Variants in BTRC observed in about 807,000 individuals in gnomAD.
The protein encoded by BTRC is F-box/WD repeat-containing protein 1A.
In BTRC, 42 loss-of-function variants were observed where a neutral mutation model predicts 85.5. The observed-to-expected ratio is 0.49, with a 90% CI of 0.38 to 0.64. The LOEUF (loss-of-function observed/expected upper bound fraction) is 0.64, where lower values mean the gene tolerates loss of function less well. Among genes scored for constraint, BTRC ranks in the 30% least tolerant of loss-of-function variants. The probability of loss-of-function intolerance (pLI) is 0.00; values close to 1 mark genes in which losing one functional copy is unlikely to be tolerated. For missense variants in BTRC, 594 were observed against 743.5 expected, an observed-to-expected ratio of 0.80 and a Z score of 2.34; for synonymous variants, 255 against 263.3, an observed-to-expected ratio of 0.97 and a Z score of 0.30.
chr10:101,440,543 A>G lies in BTRC; in HGVS notation c.156+10091A>G, dbSNP rs1030880149. ...CGAGACCAGCCTGGGAAACATGGTG[A>G]AACCCCATCTTTACCAAAAATACAA... is the stretch of plus-strand genomic sequence containing the variant. On this transcript the variant is annotated intron_variant, in intron 2 of 14. Coordinates refer to ENST00000370187, the MANE Select transcript of BTRC (RefSeq NM_033637.4). Among the ~76,000 whole-genome samples the G allele has an allele frequency of 3.3e-5, 5 of 152,212 alleles. 1 individual carries two copies. The South Asian group carries it at 1.0e-3, about 32-fold the overall frequency.
intron 4 of BTRC, among the ~76,000 whole-genome samples, chr10:101,514,385 A>G (rs2061994935): frequency 6.6e-6 from 1 of 152,082 alleles, no homozygotes; most frequent in Non-Finnish European, 1.5e-5. Flanking sequence ...TAATTTTTGT[A>G]TATGATGTGA....
At chr10:101,496,144 A>G (rs994390774) in intron 4 of BTRC, among the ~76,000 whole-genome samples, 3 of 152,160 alleles carry the variant, frequency 2.0e-5, no homozygotes, top group Admixed American at 6.5e-5. Context: ...CCATTTTACT[A>G]TAAGTGAACA....
chr10:101,481,938 C>G (rs1945844213), intron 4 of BTRC, among the ~76,000 whole-genome samples: 1 of 152,144 alleles, frequency 6.6e-6, no homozygotes, highest in South Asian at 2.1e-4. Context: ...TGGTCAATGT[C>G]AAATAAAAAC....
chr10:101,368,674 A>G (rs1942546284), intron 1 of BTRC, among the ~76,000 whole-genome samples: 1 of 151,818 alleles, frequency 6.6e-6, no homozygotes, highest in Non-Finnish European at 1.5e-5. Flanking sequence ...TTTCTTTAGC[A>G]GTGTATGGGA....
chr10:101,391,142 C>A (rs1943227652), intron 1 of BTRC, among the ~76,000 whole-genome samples: 1 of 152,130 alleles, frequency 6.6e-6, no homozygotes, highest in Non-Finnish European at 1.5e-5. Flanking sequence ...ACTATTTATC[C>A]TGTGTGGTAA....
At chr10:101,535,509 A>G (rs1589611501) in intron 11 of BTRC, 37 bp downstream of exon 11, 2 of 1,355,242 alleles carry the variant, frequency 1.5e-6, no homozygotes, top group African/African-American at 1.4e-5. Flanking sequence ...AGGGATCAAT[A>G]TTATGCTCCC....
chr10:101,463,681 T>C (rs1382066430), intron 3 of BTRC, among the ~76,000 whole-genome samples: 3 of 152,040 alleles, frequency 2.0e-5, no homozygotes, highest in Non-Finnish European at 4.4e-5. Context: ...GACTTCCAAT[T>C]TATAGATGAA....
intron 1 of BTRC, among the ~76,000 whole-genome samples, chr10:101,359,124 T>C (rs997535280): frequency 6.6e-6 from 1 of 152,218 alleles, no homozygotes; most frequent in Non-Finnish European, 1.5e-5. Flanking sequence ...GACATAATAC[T>C]GGGTGAATTA....
chr10:101,404,861 G>C (rs963781691), intron 1 of BTRC, among the ~76,000 whole-genome samples: 2 of 152,068 alleles, frequency 1.3e-5, no homozygotes, highest in Non-Finnish European at 2.9e-5. Flanking sequence ...AGCCGGGCGT[G>C]GTGGCGGGTG....
intron 2 of BTRC, among the ~76,000 whole-genome samples, chr10:101,436,032 A>G (rs1279627097): frequency 6.6e-6 from 1 of 152,214 alleles, no homozygotes; most frequent in Non-Finnish European, 1.5e-5. Flanking sequence ...TTTGAAAACT[A>G]GTGACAGGGA....
intron 1 of BTRC, among the ~76,000 whole-genome samples, chr10:101,404,883 A>C (rs879691216): frequency 1.3e-5 from 2 of 151,882 alleles, no homozygotes; most frequent in Non-Finnish European, 2.9e-5. Context: ...CTGTAGTCCC[A>C]GCTACTCAGG....
intron 1 of BTRC, among the ~76,000 whole-genome samples, chr10:101,404,997 TAAAAA>T (rs34206285): frequency 2.4e-5 from 3 of 123,780 alleles, no homozygotes; most frequent in South Asian, 2.7e-4. Flanking sequence ...GAATCCATCT[TAAAAA>T]AAAAAAAAAA....
intron 4 of BTRC, among the ~76,000 whole-genome samples, chr10:101,481,829 A>G (rs1267758838): frequency 1.3e-5 from 2 of 152,162 alleles, no homozygotes; most frequent in Non-Finnish European, 2.9e-5. Context: ...GATGATGTCT[A>G]TCATTTCCTA....
intron 1 of BTRC, among the ~76,000 whole-genome samples, chr10:101,357,053 C>T (rs1014455908): frequency 6.6e-6 from 1 of 151,426 alleles, no homozygotes; most frequent in Admixed American, 6.6e-5. Flanking sequence ...GGCGTGAACC[C>T]GGGAGGTGGA....
intron 9 of BTRC, among the ~76,000 whole-genome samples, chr10:101,533,325 T>A (rs1289764718): frequency 6.6e-6 from 1 of 152,216 alleles, no homozygotes; most frequent in Non-Finnish European, 1.5e-5. Context: ...CAGAAACTTT[T>A]CTTATCCTTA....
intron 3 of BTRC, among the ~76,000 whole-genome samples, chr10:101,468,549 C>T (rs1457354181): frequency 6.6e-6 from 1 of 152,194 alleles, no homozygotes; most frequent in Non-Finnish European, 1.5e-5. Flanking sequence ...TTAAAACCCA[C>T]TTCCAGCTTC....
chr10:101,391,275 A>T (rs1263704506), intron 1 of BTRC, among the ~76,000 whole-genome samples: 2 of 152,224 alleles, frequency 1.3e-5, no homozygotes, highest in Non-Finnish European at 2.9e-5. Context: ...CTCTAAATAA[A>T]TATATTCAAC....
At chr10:101,367,022 ATT>A (rs1467749142) in intron 1 of BTRC, among the ~76,000 whole-genome samples, 16 of 66,050 alleles carry the variant, frequency 2.4e-4, no homozygotes, top group East Asian at 1.3e-3. Context: ...ATATATTTAT[ATT>A]TATATATTTA....
rs559606478 is a variant in BTRC, at chr10:101,523,563, A to G, written c.556+1693A>G. Among the ~76,000 whole-genome samples the G allele has an allele frequency of 8.5e-5, 13 of 152,316 alleles. No individual in the cohort carries two copies. The South Asian group carries it at 2.5e-3, about 29-fold the overall frequency. On this transcript the variant is annotated intron_variant, in intron 5 of 14. Transcript: ENST00000370187. The stretch of plus-strand genomic sequence containing the variant: ...GTTTTGGTTGTTGTTTTCCAATTAT[A>G]GAAGTTATAGGAAACTTAGAAAATA...
Sources: gnomAD v4.1 joint callset for allele counts (sites outside exome capture counted in the v4.1 genomes callset) on GRCh38, gnomAD v4.1.1 for gene constraint, MANE v1.5 for transcripts, NCBI Gene and HGNC (gene_info 2026-07-23, HGNC 2026-07-21) for gene names.